CD4: variants seen among roughly 807,000 people sequenced by gnomAD.
CD4 encodes T-cell surface glycoprotein CD4.
A neutral mutation model predicts 50.5 loss-of-function variants in CD4; 25 were observed. That is an observed-to-expected ratio of 0.49 (90% CI 0.36 to 0.69). The LOEUF (loss-of-function observed/expected upper bound fraction) is 0.69, where lower values mean the gene tolerates loss of function less well. CD4 is among the 30% of genes least tolerant of loss of function. CD4 has a pLI of 0.00. For synonymous variants in CD4, 207 were observed against 221.9 expected (o/e 0.93, Z 0.60); for missense variants, 456 against 548.5 (o/e 0.83, Z 1.68).
intron 1 of CD4, among the ~76,000 whole-genome samples, chr12:6,795,338 CCACGTATT>C (rs1220507021): frequency 6.6e-6 from 1 of 152,106 alleles, no homozygotes; most frequent in Non-Finnish European, 1.5e-5. Context: ...CAAGCACCTA[CCACGTATT>C]AAGCCCTGGC....
chr12:6,793,692 CT>C (rs1231926575), intron 1 of CD4, among the ~76,000 whole-genome samples: 2 of 54,288 alleles, frequency 3.7e-5, no homozygotes, highest in Non-Finnish European at 7.6e-5. Flanking sequence ...ATCTATCTAT[CT>C]ATCTATCTAT....
intron 3 of CD4, among the ~76,000 whole-genome samples, chr12:6,804,971 G>A (rs1411194288): frequency 6.7e-6 from 1 of 148,300 alleles, no homozygotes; most frequent in African/African-American, 2.5e-5. Context: ...AGCTGAGATT[G>A]TGCCACTGCA....
intron 1 of CD4, chr12:6,799,468 A>C (rs189724237): frequency 2.0e-5 from 3 of 152,500 alleles, no homozygotes; most frequent in African/African-American, 7.2e-5. Context: ...AACCTTAAGT[A>C]GCTAATTACT....
At chr12:6,793,970 A>ATCTATC (rs1555114029) in intron 1 of CD4, among the ~76,000 whole-genome samples, 2,005 of 133,906 alleles carry the variant, frequency 0.015, 22 homozygotes, top group African/African-American at 0.034. Context: ...CTATCTATCT[A>ATCTATC]TATCTATCTA....
chr12:6,804,273 A>G (rs184719366), intron 3 of CD4, among the ~76,000 whole-genome samples: 1 of 152,308 alleles, frequency 6.6e-6, no homozygotes, highest in East Asian at 1.9e-4. Flanking sequence ...GTGCAGGAAT[A>G]AGACAAAGAT....
At chr12:6,804,146 AT>A (rs1942652987) in intron 3 of CD4, among the ~76,000 whole-genome samples, 1 of 149,592 alleles carries the variant, frequency 6.7e-6, no homozygotes, top group Non-Finnish European at 1.5e-5. Flanking sequence ...AAATAAATAA[AT>A]AAATAAAATA....
intron 3 of CD4, 144 bp from the exon 4 acceptor site, chr12:6,813,998 A>G: frequency 5.7e-6 from 4 of 704,668 alleles, no homozygotes; most frequent in Non-Finnish European, 9.7e-6. Context: ...CCTCCTTGCC[A>G]GACCGGGTTT....
At position 6,819,380 on chromosome 12, in the gene CD4, G is replaced by A. The variant is rs200909686; in HGVS notation, c.*51G>A. The A allele has an allele frequency of 7.6e-6, 12 of 1,569,502 alleles. No homozygotes were observed. Among genetic ancestry groups the A allele is most frequent in the East Asian group, 6.7e-5 (3 of 44,672 alleles). On this transcript the variant is annotated 3_prime_UTR_variant, in exon 10 of 10. Transcript: ENST00000011653. The stretch of plus-strand genomic sequence containing the variant: ...TGCAGCCTCCCCAGGTGTCTGCCCC[G>A]CGTTTCCTGCCTGCGGACCAGATGA...
rs1555117658 is a variant in CD4, at chr12:6,814,917, G to T, written c.532G>T (p.Asp178Tyr). Residue 178 changes from aspartate to tyrosine, a missense_variant, in exon 5 of 10, where the codon GAT becomes TAT. Coordinates refer to ENST00000011653, the MANE Select transcript of CD4 (RefSeq NM_000616.5). ...TLSVSQLELQDSGTWTCTVLQ... is the reference protein window; with the variant it reads ...TLSVSQLELQYSGTWTCTVLQ... The stretch of plus-strand genomic sequence containing the variant: ...CTCCGTGTCTCAGCTGGAGCTCCAG[G>T]ATAGTGGCACCTGGACATGCACTGT... 1 of 1,613,734 alleles carries T rather than the reference G, an allele frequency of 6.2e-7. No homozygotes were observed. Among genetic ancestry groups the T allele is most frequent in the East Asian group, 2.2e-5 (1 of 44,878 alleles).
chr12:6,817,257 G>A lies in CD4; in HGVS notation c.1083G>A (p.Leu361=), dbSNP rs1943105055. 1.2e-6 allele frequency: 2 copies of A among 1,603,550 alleles called. No homozygotes were observed. Among genetic ancestry groups the A allele is most frequent in the Non-Finnish European group, 1.7e-6 (2 of 1,174,412 alleles). The part of the protein sequence containing the change: ...VSKREKAVWV[L]NPEAGMWQCL... ...AGCGGGAGAAGGCGGTGTGGGTGCT[G>A]AACCCTGAGGCGGGGATGTGGCAGT... Residue 361 remains leucine, a synonymous_variant, in exon 7 of 10, where the codon CTG becomes CTA. Coordinates refer to ENST00000011653, the MANE Select transcript of CD4 (RefSeq NM_000616.5).
chr12:6,801,389 G>T (rs1339668125), intron 3 of CD4, among the ~76,000 whole-genome samples: 1 of 148,978 alleles, frequency 6.7e-6, no homozygotes, highest in Non-Finnish European at 1.5e-5. Context: ...TGGGGGTGCA[G>T]TCCTGTACTT....
At chr12:6,803,982 A>C (rs982527404) in intron 3 of CD4, among the ~76,000 whole-genome samples, 49 of 148,722 alleles carry the variant, frequency 3.3e-4, no homozygotes, top group African/African-American at 1.2e-3. Flanking sequence ...GTGGTGGCAC[A>C]CACCTATAGT....
rs202139523 is a variant in CD4, at chr12:6,818,537, C to T, written c.1273C>T (p.Arg425Ter). 8 of 1,612,690 alleles carry T rather than the reference C, an allele frequency of 5.0e-6. No homozygotes were observed. Among genetic ancestry groups the T allele is most frequent in the African/African-American group, 1.3e-5 (1 of 75,036 alleles). ...GIFFCVRCRHRRRQAERMSQI... is the reference protein window; with the variant it reads ...GIFFCVRCRH ...CTTCTTCTGTGTCAGGTGCCGGCAC[C>T]GAAGGGTGAGTAACCCCACACCTGG... The change falls in exon 8 of 10, where the codon CGA (arginine) becomes TGA (stop). Residue 425 changes from arginine to a stop codon, truncating the protein, a stop_gained. Coordinates refer to ENST00000011653, the MANE Select transcript of CD4 (RefSeq NM_000616.5). LOFTEE classifies it high-confidence loss of function. The surrounding 1 kb of genome is among the most constrained non-coding windows in gnomAD (Gnocchi z 5.0).
At chr12:6,795,996 G>C (rs558982873) in intron 1 of CD4, among the ~76,000 whole-genome samples, 1 of 152,192 alleles carries the variant, frequency 6.6e-6, no homozygotes, top group South Asian at 2.1e-4. Flanking sequence ...ATCCAGGCTG[G>C]GCTGGATGTG....
At chr12:6,798,096 T>G (rs1450483007) in intron 1 of CD4, among the ~76,000 whole-genome samples, 2 of 151,992 alleles carry the variant, frequency 1.3e-5, no homozygotes, top group Non-Finnish European at 2.9e-5. Context: ...CCTTCCACAG[T>G]GTATTGTGTC....
intron 3 of CD4, among the ~76,000 whole-genome samples, chr12:6,805,563 G>GAAAAAAAAAAAAAAAGAAAAAAAAAAA (rs59122472): frequency 7.1e-6 from 1 of 140,826 alleles, no homozygotes. Flanking sequence ...TCTGTCTCCC[G>GAAAAAAAAAAAAAAAGAAAAAAAAAAA]AAAAAAAAAA....
Position 6,800,143 on chromosome 12 carries a change from A to G in CD4, c.5A>G (p.Asn2Ser), listed in dbSNP as rs1555114961. 13 of 1,613,986 alleles carry G rather than the reference A, an allele frequency of 8.1e-6. No homozygotes were observed. Among genetic ancestry groups the G allele is most frequent in the Non-Finnish European group, 1.1e-5 (13 of 1,179,946 alleles). The part of the protein sequence containing the change: M[N>S]RGVPFRHLLL... ...GCCTCCCTCGGCAAGGCCACAATGA[A>G]CCGGGGAGTCCCTTTTAGGCACTTG... The change falls in exon 2 of 10, where the codon AAC (asparagine) becomes AGC (serine). Residue 2 changes from asparagine to serine, a missense_variant. Asn to Ser is a conservative substitution (Grantham distance 46, BLOSUM62 1). Transcript: ENST00000011653.
At chr12:6,812,571 C>T (rs782532379) in intron 3 of CD4, among the ~76,000 whole-genome samples, 22 of 151,876 alleles carry the variant, frequency 1.4e-4, no homozygotes, top group Middle Eastern at 3.4e-3. Flanking sequence ...CTCAGCTACT[C>T]GGGAGGCAGA....
At chr12:6,790,532 C>G (rs889993764) in intron 1 of CD4, among the ~76,000 whole-genome samples, 1 of 152,154 alleles carries the variant, frequency 6.6e-6, no homozygotes, top group Non-Finnish European at 1.5e-5. Context: ...GAAACGGATT[C>G]GAAAAGAATT....
Sources: allele counts gnomAD v4.1 joint callset (sites outside exome capture counted in the v4.1 genomes callset), GRCh38; gene constraint gnomAD v4.1.1; non-coding constraint Gnocchi (gnomAD v3.1); transcripts MANE v1.5; gene names NCBI Gene and HGNC (gene_info 2026-07-23, HGNC 2026-07-21).